Variants in TRPM6 observed in about 807,000 individuals in gnomAD.
TRPM6 encodes transient receptor potential cation channel subfamily M member 6.
Under a neutral mutation model 247.6 loss-of-function variants are expected in TRPM6, and 111 were observed. That is an observed-to-expected ratio of 0.45 (90% confidence interval 0.38 to 0.52). The LOEUF is 0.52. Among genes scored for constraint, TRPM6 ranks in the 20% least tolerant of loss-of-function variants. The pLI, the probability that TRPM6 is intolerant of heterozygous loss-of-function variation, is 0.00. For synonymous variants in TRPM6, 892 were observed against 853.8 expected, an observed-to-expected ratio of 1.04 and a Z score of -0.78; for missense variants, 2,126 against 2,421.5, an observed-to-expected ratio of 0.88 and a Z score of 2.56.
intron 18 of TRPM6, among the ~76,000 whole-genome samples, chr9:74,796,406 A>G (rs1564018575): frequency 6.6e-6 from 1 of 152,212 alleles, no homozygotes; most frequent in Non-Finnish European, 1.5e-5. Flanking sequence ...GAATTAATAA[A>G]TTGGTATATG....
At chr9:74,863,624 C>T (rs1564056635) in intron 1 of TRPM6, among the ~76,000 whole-genome samples, 1 of 152,148 alleles carries the variant, frequency 6.6e-6, no homozygotes, top group Admixed American at 6.5e-5. Flanking sequence ...CTCTGTCTCC[C>T]AGGCTGGAGT....
chr9:74,865,171 T>C (rs1461704018), intron 1 of TRPM6, among the ~76,000 whole-genome samples: 3 of 151,558 alleles, frequency 2.0e-5, no homozygotes, highest in African/African-American at 4.9e-5. Context: ...TGGAGCCAAA[T>C]AGGGGATTAG....
At chr9:74,796,978 TATATAA>T in intron 17 of TRPM6, 85 bp from the exon 18 acceptor site, 1 of 1,275,834 alleles carries the variant, frequency 7.8e-7, no homozygotes, top group Non-Finnish European at 1.1e-6. Flanking sequence ...AATTTCAGTG[TATATAA>T]AATGCCAGAC....
intron 8 of TRPM6, among the ~76,000 whole-genome samples, 170 bp from the exon 9 acceptor site, chr9:74,820,597 G>C (rs955052575): frequency 6.6e-6 from 1 of 152,236 alleles, no homozygotes; most frequent in African/African-American, 2.4e-5. Flanking sequence ...CAAGAAGAAA[G>C]CTGAATTTGA....
At chr9:74,826,143 AC>A (rs761170393) in intron 7 of TRPM6, among the ~76,000 whole-genome samples, 2 of 152,230 alleles carry the variant, frequency 1.3e-5, no homozygotes, top group Non-Finnish European at 2.9e-5. Flanking sequence ...CACACCGTGC[AC>A]CCAACACAAT....
intron 1 of TRPM6, among the ~76,000 whole-genome samples, chr9:74,869,845 A>C (rs1249526368): frequency 1.3e-5 from 2 of 152,200 alleles, no homozygotes; most frequent in Non-Finnish European, 2.9e-5. Flanking sequence ...GGACAGCTGA[A>C]GAGGAAGGCT....
chr9:74,724,517 G>C lies in TRPM6; in HGVS notation c.*96C>G, dbSNP rs369609402. ...AGGCTCAGAAGGCGTGTCCCAAGGAGACGCTGATGTAATCAACATCACGTT... is the reference window on the plus strand; with the variant it reads ...AGGCTCAGAAGGCGTGTCCCAAGGACACGCTGATGTAATCAACATCACGTT... On this transcript the variant is annotated 3_prime_UTR_variant, in exon 39 of 39. Transcript: ENST00000360774. 1,439 of 1,558,356 alleles carry C rather than the reference G, an allele frequency of 9.2e-4. 28 individuals are homozygous for C. In the South Asian group the frequency reaches 0.012, roughly 13 times the overall value.
chr9:74,811,349 G>A (rs767094422), intron 12 of TRPM6, among the ~76,000 whole-genome samples: 1 of 152,014 alleles, frequency 6.6e-6, no homozygotes, highest in African/African-American at 2.4e-5. Context: ...ACAAATAATT[G>A]GTACTCTAGG....
At chr9:74,740,634 T>C (rs1825831801) in intron 33 of TRPM6, among the ~76,000 whole-genome samples, 1 of 152,224 alleles carries the variant, frequency 6.6e-6, no homozygotes, top group African/African-American at 2.4e-5. Flanking sequence ...AATAATCTTG[T>C]GCACAAAACA....
chr9:74,745,820 G>T (rs1185382744), intron 31 of TRPM6, among the ~76,000 whole-genome samples: 1 of 152,158 alleles, frequency 6.6e-6, no homozygotes, highest in East Asian at 1.9e-4. Context: ...AATGCCATTT[G>T]AGCAAGAGTG....
At chr9:74,846,166 A>T (rs1415201766) in intron 3 of TRPM6, among the ~76,000 whole-genome samples, 1 of 152,232 alleles carries the variant, frequency 6.6e-6, no homozygotes, top group African/African-American at 2.4e-5. Flanking sequence ...TAAGTTGATC[A>T]GGTAAGTTGA....
intron 3 of TRPM6, among the ~76,000 whole-genome samples, chr9:74,853,027 C>T (rs557378616): frequency 6.6e-6 from 1 of 150,702 alleles, no homozygotes; most frequent in Non-Finnish European, 1.5e-5. Flanking sequence ...CCCGGCCCCC[C>T]GTCGTCTGAG....
intron 18 of TRPM6, among the ~76,000 whole-genome samples, chr9:74,795,234 C>CTT (rs1828050257): frequency 6.6e-6 from 1 of 152,294 alleles, no homozygotes; most frequent in Admixed American, 6.5e-5. Flanking sequence ...GCCTACCCTG[C>CTT]TTCCAGCCAG....
chr9:74,781,835 A>C (rs1006257404), intron 23 of TRPM6, among the ~76,000 whole-genome samples: 1 of 152,208 alleles, frequency 6.6e-6, no homozygotes. Context: ...TCAGTTCTCC[A>C]TATCTGCGGG....
At chr9:74,733,265 TA>T (rs1825586290) in intron 36 of TRPM6, among the ~76,000 whole-genome samples, 1 of 151,624 alleles carries the variant, frequency 6.6e-6, no homozygotes, top group Non-Finnish European at 1.5e-5. Flanking sequence ...TGAAGATACA[TA>T]AAAACTAAAT....
chr9:74,745,458 TGTGC>T (rs1435102013), intron 31 of TRPM6, among the ~76,000 whole-genome samples: 208 of 150,502 alleles, frequency 1.4e-3, no homozygotes, highest in African/African-American at 5.2e-3. Flanking sequence ...TGTGTGTGTG[TGTGC>T]GTGTGTGTGT....
At chr9:74,782,955 T>G (rs931943110) in intron 21 of TRPM6, 102 bp from the exon 22 acceptor site, 8 of 1,150,406 alleles carry the variant, frequency 7.0e-6, no homozygotes, top group Non-Finnish European at 1.0e-5. Context: ...AATAATAAGA[T>G]TGTCTAGTCA....
chr9:74,737,523 C>T (rs1375300756), intron 36 of TRPM6: 1 of 797,136 alleles, frequency 1.3e-6, no homozygotes, highest in African/African-American at 1.8e-5. Context: ...ATACCCTCTA[C>T]ATATGAAACT....
chr9:74,771,956 G>A, intron 24 of TRPM6, 121 bp from the exon 25 acceptor site: 1 of 917,348 alleles, frequency 1.1e-6, no homozygotes, highest in Non-Finnish European at 1.7e-6. Context: ...TTGTCACCTT[G>A]TCAAACTATT....
Sources: allele counts gnomAD v4.1 joint callset (sites outside exome capture counted in the v4.1 genomes callset), GRCh38; gene constraint gnomAD v4.1.1; transcripts MANE v1.5; gene names NCBI Gene and HGNC (gene_info 2026-07-23, HGNC 2026-07-21).